The following CHL1 variants were observed in gnomAD, a reference collection of about 807,000 sequenced individuals.
CHL1 encodes the protein neural cell adhesion molecule L1-like protein.
In CHL1, 96 loss-of-function variants were observed where a neutral mutation model predicts 141.9. The observed-to-expected ratio is 0.68, with a 90% CI of 0.57 to 0.80. The LOEUF is 0.80. Among genes scored for constraint, CHL1 ranks in the 30% least tolerant of loss-of-function variants. The pLI is 0.00. For synonymous variants in CHL1, 613 were observed against 502.2 expected, an observed-to-expected ratio of 1.22 and a Z score of -2.95; for missense variants, 1,820 against 1,457.2, an observed-to-expected ratio of 1.25 and a Z score of -4.05.
chr3:362,469 A>T (rs1024891443), intron 13 of CHL1, among the ~76,000 whole-genome samples: 1 of 151,868 alleles, frequency 6.6e-6, no homozygotes, highest in Non-Finnish European at 1.5e-5. Context: ...CATTATTGTG[A>T]TTTTTCAAAA....
At chr3:205,517 G>T (rs1342414501) in intron 1 of CHL1, among the ~76,000 whole-genome samples, 1 of 152,204 alleles carries the variant, frequency 6.6e-6, no homozygotes, top group Admixed American at 6.5e-5. Flanking sequence ...CTGTCTAGGG[G>T]AAAAATTGAA....
chr3:250,415 G>A (rs1693582414), intron 2 of CHL1, among the ~76,000 whole-genome samples: 1 of 152,102 alleles, frequency 6.6e-6, no homozygotes, highest in South Asian at 2.1e-4. Context: ...AGGCTTCTAG[G>A]AGCAGTTAAT....
intron 2 of CHL1, among the ~76,000 whole-genome samples, chr3:289,444 A>G (rs996987312): frequency 1.3e-5 from 2 of 152,174 alleles, no homozygotes; most frequent in African/African-American, 4.8e-5. Context: ...ACAATATGAG[A>G]GCAATTATAG....
intron 16 of CHL1, among the ~76,000 whole-genome samples, chr3:380,791 C>G (rs536826390): frequency 6.6e-6 from 1 of 152,216 alleles, no homozygotes; most frequent in East Asian, 1.9e-4. Flanking sequence ...AACCATAAGA[C>G]CTAATGTTTA....
intron 15 of CHL1, among the ~76,000 whole-genome samples, chr3:372,708 T>G (rs1413124121): frequency 6.6e-6 from 1 of 152,148 alleles, no homozygotes; most frequent in Non-Finnish European, 1.5e-5. Context: ...TTTTTGTTGA[T>G]TCTTTCTCAT....
At chr3:217,263 A>G (rs1700400936) in intron 1 of CHL1, among the ~76,000 whole-genome samples, 4 of 152,116 alleles carry the variant, frequency 2.6e-5, no homozygotes, top group African/African-American at 7.2e-5. Context: ...AGCAAAGGGT[A>G]TATGTGTATA....
At chr3:314,329 GTATATATATATATATA>G (rs56292297) in intron 2 of CHL1, among the ~76,000 whole-genome samples, 1,323 of 65,338 alleles carry the variant, frequency 0.02, 79 homozygotes, top group African/African-American at 0.055. Context: ...CTCTCTATGT[GTATATATATATATATA>G]TATATATATA....
chr3:289,147 T>C (rs1697435924), intron 2 of CHL1, among the ~76,000 whole-genome samples: 1 of 152,244 alleles, frequency 6.6e-6, no homozygotes, highest in African/African-American at 2.4e-5. Context: ...GTTTTACTCC[T>C]TTAATGTAAC....
intron 1 of CHL1, among the ~76,000 whole-genome samples, chr3:207,066 G>T (rs1699506629): frequency 6.6e-6 from 1 of 152,264 alleles, no homozygotes; most frequent in South Asian, 2.1e-4. Context: ...CGTCAATAAA[G>T]ATAAGGCTTT....
At chr3:381,136 G>T (rs1426303080) in intron 16 of CHL1, among the ~76,000 whole-genome samples, 2 of 152,108 alleles carry the variant, frequency 1.3e-5, no homozygotes, top group Admixed American at 6.6e-5. Context: ...ACTCCTAAAA[G>T]AATTCTGATG....
At chr3:201,334 T>G (rs1698916008) in intron 1 of CHL1, among the ~76,000 whole-genome samples, 1 of 152,262 alleles carries the variant, frequency 6.6e-6, no homozygotes, top group African/African-American at 2.4e-5. Flanking sequence ...TGATCCTGCT[T>G]ACCTTCTCAT....
intron 3 of CHL1, among the ~76,000 whole-genome samples, chr3:322,970 T>C (rs1700717518): frequency 6.6e-6 from 1 of 152,024 alleles, no homozygotes; most frequent in Admixed American, 6.6e-5. Flanking sequence ...ATTAATTATC[T>C]ACCTTGGAAT....
intron 1 of CHL1, among the ~76,000 whole-genome samples, chr3:236,078 G>T (rs183574883): frequency 6.6e-6 from 1 of 152,168 alleles, no homozygotes; most frequent in Non-Finnish European, 1.5e-5. Context: ...GAAGACCAGC[G>T]TCTGAATGAT....
rs150851824 is a variant in CHL1 at position 241,479 on chromosome 3, C to G, written c.-174-3134C>G. 2.5e-3 allele frequency among the ~76,000 whole-genome samples: 385 copies of G among 152,290 alleles called. 1 individual carries two copies. The highest frequency in any genetic ancestry group is 8.8e-3 in the African/African-American group (367 of 41,570). ...GCTGATCCGCAGCTCTCATATTACA[C>G]CAGCCATGGGTAGGTTGTTTGCTGA... On this transcript the variant is annotated intron_variant, in intron 1 of 27. Transcript: ENST00000256509.
chr3:360,781 C>A (rs933842991), intron 12 of CHL1, among the ~76,000 whole-genome samples: 10 of 138,654 alleles, frequency 7.2e-5, no homozygotes, highest in Non-Finnish European at 1.2e-4. Context: ...GTGATGTTCC[C>A]CTTCCTGTGT....
chr3:230,837 T>C (rs1454443026), intron 1 of CHL1, among the ~76,000 whole-genome samples: 2 of 152,206 alleles, frequency 1.3e-5, no homozygotes, highest in Non-Finnish European at 2.9e-5. Flanking sequence ...AACAATCTCT[T>C]TTTTCAGTTC....
chr3:365,903 G>A, intron 14 of CHL1, 47 bp from the exon 15 acceptor site: 1 of 1,517,242 alleles, frequency 6.6e-7, no homozygotes, highest in Non-Finnish European at 9.0e-7. Context: ...TAATAACAAA[G>A]TAAGTTACGC....
At chr3:251,278 A>C (rs1693671045) in intron 2 of CHL1, among the ~76,000 whole-genome samples, 1 of 152,146 alleles carries the variant, frequency 6.6e-6, no homozygotes, top group Non-Finnish European at 1.5e-5. Flanking sequence ...TCCACCTCTC[A>C]GGCAGAGGAC....
intron 2 of CHL1, among the ~76,000 whole-genome samples, chr3:305,604 C>G (rs1271746489): frequency 6.6e-6 from 1 of 151,498 alleles, no homozygotes; most frequent in Non-Finnish European, 1.5e-5. Context: ...ATAGATAACA[C>G]CCTATAACTT....
Sources: allele counts gnomAD v4.1 joint callset (sites outside exome capture counted in the v4.1 genomes callset), GRCh38; gene constraint gnomAD v4.1.1; transcripts MANE v1.5; gene names NCBI Gene and HGNC (gene_info 2026-07-23, HGNC 2026-07-21).